The following AATF variants were observed in gnomAD, a reference collection of about 807,000 sequenced individuals.
AATF encodes the protein apoptosis antagonizing transcription factor.
Under a neutral mutation model 63.7 loss-of-function variants are expected in AATF, and 48 were observed. The ratio of observed to expected loss-of-function variants is 0.75; its 90% confidence interval spans 0.60 to 0.96. AATF has a LOEUF of 0.96. Ranked by LOEUF, AATF falls within the 40% of genes least tolerant of loss-of-function variation. The pLI is 0.00. For missense variants in AATF, 639 were observed against 685.7 expected (o/e 0.93, Z 0.76); for synonymous variants, 258 against 247.7 (o/e 1.04, Z -0.39).
intron 4 of AATF, among the ~76,000 whole-genome samples, chr17:36,975,241 CT>C (rs1358451420): frequency 6.6e-6 from 1 of 151,428 alleles, no homozygotes. Flanking sequence ...GCCTGCAGGT[CT>C]TTTTTTTCGT....
chr17:37,011,187 A>G (rs1347089354), intron 8 of AATF, among the ~76,000 whole-genome samples: 1 of 152,144 alleles, frequency 6.6e-6, no homozygotes, highest in Non-Finnish European at 1.5e-5. Context: ...CCTGGCCAAC[A>G]TGGAAAAACC....
chr17:36,993,306 C>T (rs1196219538), intron 8 of AATF, among the ~76,000 whole-genome samples: 5 of 152,146 alleles, frequency 3.3e-5, no homozygotes, highest in Non-Finnish European at 5.9e-5. Context: ...TTCAGTTTTC[C>T]TCCCCCTCCC....
In AATF at chr17:36,968,270, C is replaced by CTTTTTTTTTT. The variant is rs3049638; in HGVS notation, c.832+14384_832+14393dup. Among the ~76,000 whole-genome samples, 20 of 23,758 alleles carry CTTTTTTTTTT rather than the reference C, an allele frequency of 8.4e-4. 2 individuals are homozygous for CTTTTTTTTTT. The highest frequency in any genetic ancestry group is 4.5e-3 in the South Asian group (2 of 448). 15.6% of individuals were successfully genotyped at this position (23,758 alleles called of 152,430 possible). A position where few individuals can be genotyped will look rare whatever the true frequency, so the allele number is the denominator to read the frequency against. ...TTTCTTTTTCTTTCTTTCCTTCTTT[C>CTTTTTTTTTT]TTTTTTTTTTTTTTTTTTTTTTTTT... On this transcript the variant is annotated intron_variant, in intron 4 of 11. Transcript: ENST00000619387.
At chr17:37,004,916 G>T (rs965621864) in intron 8 of AATF, among the ~76,000 whole-genome samples, 6 of 152,124 alleles carry the variant, frequency 3.9e-5, no homozygotes, top group African/African-American at 1.4e-4. Flanking sequence ...ATTTAACATG[G>T]CTTGGGGTTT....
chr17:36,973,953 C>T (rs537500055), intron 4 of AATF, among the ~76,000 whole-genome samples: 2 of 152,080 alleles, frequency 1.3e-5, no homozygotes, highest in African/African-American at 4.8e-5. Context: ...CGCCTGTAAT[C>T]CCTGCCTCGG....
rs75269648 is a variant in AATF at position 37,029,088 on chromosome 17, C to G, written c.1548-2526C>G. On this transcript the variant is annotated intron_variant, in intron 10 of 11. Transcript: ENST00000619387. Reference sequence around the variant, plus strand: ...TACTCTGTAGTGAGCCATGATCACACCACTGCACTCCAGCCTGAGCTACAA... The same window carrying G: ...TACTCTGTAGTGAGCCATGATCACAGCACTGCACTCCAGCCTGAGCTACAA... Among the ~76,000 whole-genome samples, 922 of 152,134 alleles carry G rather than the reference C, an allele frequency of 6.1e-3. 9 individuals are homozygous for G. The highest frequency in any genetic ancestry group is 0.017 in the East Asian group (87 of 5,164).
At chr17:37,038,469 G>A (rs1371262504) in intron 11 of AATF, among the ~76,000 whole-genome samples, 1 of 152,170 alleles carries the variant, frequency 6.6e-6, no homozygotes, top group Non-Finnish European at 1.5e-5. Flanking sequence ...AGGATGGAAA[G>A]GGTCTGGTGA....
intron 4 of AATF, among the ~76,000 whole-genome samples, chr17:36,981,963 T>G (rs1434669229): frequency 1.3e-5 from 2 of 152,122 alleles, no homozygotes; most frequent in Non-Finnish European, 2.9e-5. Context: ...CTTTTTCATC[T>G]TGCAAAACTG....
intron 4 of AATF, among the ~76,000 whole-genome samples, chr17:36,979,728 C>T (rs2142235692): frequency 6.6e-6 from 1 of 152,292 alleles, no homozygotes; most frequent in Middle Eastern, 3.4e-3. Flanking sequence ...GTTCTCGCTT[C>T]ACGCCATTGC....
At chr17:37,046,761 A>G (rs2071696309) in intron 11 of AATF, among the ~76,000 whole-genome samples, 1 of 151,634 alleles carries the variant, frequency 6.6e-6, no homozygotes, top group Admixed American at 6.6e-5. Context: ...ACACACACAC[A>G]CACACACACG....
chr17:36,989,791 G>A lies in AATF; in HGVS notation c.1314+380G>A, dbSNP rs184636255. On this transcript the variant is annotated intron_variant, in intron 7 of 11. Coordinates refer to ENST00000619387, the MANE Select transcript of AATF (RefSeq NM_012138.4). The stretch of plus-strand genomic sequence containing the variant: ...GTACTTTAGAAAGGGTGCAGAAGTG[G>A]AATAGTCAAATTCTTTTGTTTAAAG... Among the ~76,000 whole-genome samples, 1,355 of 152,228 alleles carry A rather than the reference G, an allele frequency of 8.9e-3. 12 individuals carry two copies. Among genetic ancestry groups the A allele is most frequent in the Middle Eastern group, 0.02 (6 of 294 alleles).
chr17:37,005,053 A>C (rs969077587), intron 8 of AATF, among the ~76,000 whole-genome samples: 2 of 152,234 alleles, frequency 1.3e-5, no homozygotes, highest in Non-Finnish European at 2.9e-5. Flanking sequence ...GATCTGAATG[A>C]ACATGAAGCT....
At chr17:37,039,840 C>A (rs1005317511) in intron 11 of AATF, among the ~76,000 whole-genome samples, 2 of 152,134 alleles carry the variant, frequency 1.3e-5, no homozygotes, top group African/African-American at 4.8e-5. Context: ...TTCTAGAGAA[C>A]TTGCATTGTC....
intron 11 of AATF, among the ~76,000 whole-genome samples, chr17:37,037,049 C>T (rs1169689967): frequency 1.3e-5 from 2 of 149,266 alleles, no homozygotes; most frequent in Non-Finnish European, 3.0e-5. Context: ...CGTTCTCTCA[C>T]CCAGGCTGTA....
chr17:36,981,664 T>TTTCTTCTTTCTTCTTTCTTCTTC, intron 4 of AATF, among the ~76,000 whole-genome samples: 2 of 150,302 alleles, frequency 1.3e-5, no homozygotes, highest in Non-Finnish European at 3.0e-5. Context: ...TTTCTTCCTC[T>TTTCTTCTTTCTTCTTTCTTCTTC]TTCTTCTTTC....
At chr17:37,014,979 CTT>C (rs2068017365) in intron 8 of AATF, among the ~76,000 whole-genome samples, 1 of 152,168 alleles carries the variant, frequency 6.6e-6, no homozygotes, top group South Asian at 2.1e-4. Flanking sequence ...CTCTCCCACT[CTT>C]GGGATATTCA....
intron 8 of AATF, among the ~76,000 whole-genome samples, chr17:37,012,765 T>C (rs1262208782): frequency 1.3e-5 from 2 of 152,188 alleles, no homozygotes; most frequent in Non-Finnish European, 2.9e-5. Flanking sequence ...AGTAGTCTTT[T>C]CAACAAATGG....
chr17:36,949,293 G>T, intron 1 of AATF, 77 bp downstream of exon 1: 2 of 1,390,790 alleles, frequency 1.4e-6, no homozygotes, highest in Non-Finnish European at 1.9e-6. Flanking sequence ...CGTGGGAGGG[G>T]CGTGCGCGAG....
At chr17:37,023,797 T>C (rs1156640387) in intron 10 of AATF, among the ~76,000 whole-genome samples, 1 of 152,038 alleles carries the variant, frequency 6.6e-6, no homozygotes, top group East Asian at 1.9e-4. Context: ...ACACAGTCAT[T>C]TGTGCTATCT....
Sources: gnomAD v4.1 joint callset for allele counts (sites outside exome capture counted in the v4.1 genomes callset) on GRCh38, gnomAD v4.1.1 for gene constraint, MANE v1.5 for transcripts, NCBI Gene and HGNC (gene_info 2026-07-23, HGNC 2026-07-21) for gene names.